CCDC57: variants seen among roughly 807,000 people sequenced by gnomAD.
The protein encoded by CCDC57 is coiled-coil domain-containing protein 57.
In CCDC57, 118 loss-of-function variants were observed where a neutral mutation model predicts 118.9. The ratio of observed to expected loss-of-function variants is 0.99; its 90% CI spans 0.86 to 1.16. The LOEUF (loss-of-function observed/expected upper bound fraction) is 1.16. CCDC57 is among the 50% of genes most tolerant of loss of function. CCDC57 has a pLI of 0.00. For missense variants in CCDC57, 1,300 were observed against 1,320.7 expected, an observed-to-expected ratio of 0.98 and a Z score of 0.24; for synonymous variants, 527 against 532.9, an observed-to-expected ratio of 0.99 and a Z score of 0.15.
intron 14 of CCDC57, 45 bp downstream of exon 13, chr17:82,163,155 C>T: frequency 6.3e-7 from 1 of 1,597,118 alleles, no homozygotes; most frequent in Non-Finnish European, 8.6e-7. Flanking sequence ...TCTCCCCCAG[C>T]AGCGGCTCTC....
chr17:82,124,809 A>AG (rs2037195808), intron 19 of CCDC57, among the ~76,000 whole-genome samples: 1 of 152,112 alleles, frequency 6.6e-6, no homozygotes, highest in Admixed American at 6.6e-5. Context: ...AAAGAGAAAA[A>AG]GAAAAAAAAA....
chr17:82,187,839 G>A (rs1192093921), intron 8 of CCDC57, among the ~76,000 whole-genome samples: 2 of 148,034 alleles, frequency 1.4e-5, no homozygotes, highest in Non-Finnish European at 3.0e-5. Context: ...CGGGGGTGGG[G>A]GAGGCGTTGG....
chr17:82,105,698 T>C (rs1321956929), intron 19 of CCDC57, among the ~76,000 whole-genome samples: 2 of 151,758 alleles, frequency 1.3e-5, no homozygotes, highest in Non-Finnish European at 2.9e-5. Flanking sequence ...AGGAGAGCAA[T>C]GGGGTACAGG....
Position 82,125,849 on chromosome 17 carries a change from G to C in CCDC57, c.2899+1843C>G, listed in dbSNP as rs1041871817. On this transcript the variant is annotated intron_variant, in intron 19 of 19. Transcript: ENST00000665763. ...ATGGAACTGCCTGTGAACAGACTGA[G>C]AGTGGCCGAACGAACCGTCCGGATA... Among the ~76,000 whole-genome samples the C allele has an allele frequency of 2.0e-5, 3 of 152,216 alleles. No homozygotes were observed. In the East Asian group the frequency reaches 5.8e-4, roughly 29 times the overall value.
intron 14 of CCDC57, among the ~76,000 whole-genome samples, chr17:82,160,873 CAAAAAAAAAAAAAA>C (rs55750984): frequency 1.6e-5 from 1 of 60,870 alleles, no homozygotes; most frequent in Non-Finnish European, 2.9e-5. Flanking sequence ...GACTCTGTCT[CAAAAAAAAAAAAAA>C]AAAAAAAAAA....
Position 82,132,759 on chromosome 17 carries a change from C to CTTTTTTTTTTTTTTTTTTTTTTTTTT in CCDC57, c.2577+1313_2577+1314insAAAAAAAAAAAAAAAAAAAAAAAAAA, listed in dbSNP as rs71166188. ...TTATCTTTCTGTAGAGACAACCTTG[C>CTTTTTTTTTTTTTTTTTTTTTTTTTT]TTTTTTTTTTTTTTTTTTGAGACGG... On this transcript the variant is annotated intron_variant, in intron 17 of 19. Transcript: ENST00000665763. Among the ~76,000 whole-genome samples, 4 of 123,948 alleles carry CTTTTTTTTTTTTTTTTTTTTTTTTTT rather than the reference C, an allele frequency of 3.2e-5. 2 individuals carry two copies. Among genetic ancestry groups the CTTTTTTTTTTTTTTTTTTTTTTTTTT allele is most frequent in the African/African-American group, 6.1e-5 (2 of 32,832 alleles). 81.3% of individuals were successfully genotyped at this position (123,948 alleles called of 152,430 possible).
intron 18 of CCDC57, among the ~76,000 whole-genome samples, chr17:82,128,236 C>T (rs2037764396): frequency 2.0e-5 from 3 of 152,186 alleles, no homozygotes; most frequent in Non-Finnish European, 4.4e-5. Context: ...CCCTGAGGGG[C>T]ACAGAAAGGA....
intron 1 of CCDC57, among the ~76,000 whole-genome samples, chr17:82,210,656 G>C (rs1319927229): frequency 6.7e-6 from 1 of 150,208 alleles, no homozygotes; most frequent in African/African-American, 2.5e-5. Flanking sequence ...CTCCAGCTTG[G>C]GCGAGAGAGA....
rs146600972 is a variant in CCDC57, at chr17:82,159,819, G to A, written c.2041-1871C>T. Among the ~76,000 whole-genome samples the A allele has an allele frequency of 4.4e-3, 671 of 151,912 alleles. 1 individual carries two copies. The highest frequency in any genetic ancestry group is 7.6e-3 in the Non-Finnish European group (516 of 67,958). ...CCCGAGTAGCTGGGATTACAGGCAC[G>A]CACCACCACACCCGGCTCATCTTTT... On this transcript the variant is annotated intron_variant, in intron 14 of 19. Transcript: ENST00000665763.
At chr17:82,200,405 C>T (rs534305445) in intron 3 of CCDC57, among the ~76,000 whole-genome samples, 10 of 152,204 alleles carry the variant, frequency 6.6e-5, no homozygotes, top group Non-Finnish European at 1.5e-4. Context: ...GCTTTCACTT[C>T]GCCATTCCAC....
chr17:82,141,743 C>T (rs2040035328), intron 16 of CCDC57, among the ~76,000 whole-genome samples: 1 of 152,146 alleles, frequency 6.6e-6, no homozygotes. Context: ...CTTGTTACAA[C>T]ATCCGACATC....
chr17:82,195,859 GAAC>G (rs143889316), intron 4 of CCDC57, among the ~76,000 whole-genome samples: 2,493 of 152,254 alleles, frequency 0.016, 69 homozygotes, highest in African/African-American at 0.057. Flanking sequence ...GGACTACCCA[GAAC>G]CACACCGGAT....
Position 82,172,894 on chromosome 17 carries a change from A to T in CCDC57, c.1507-34T>A, listed in dbSNP as rs768130333. The T allele has an allele frequency of 3.2e-6, 5 of 1,569,716 alleles. No homozygotes were observed. The South Asian group carries it at 3.4e-5, about 11-fold the overall frequency. On this transcript the variant is annotated intron_variant, in intron 11 of 19. Coordinates refer to ENST00000665763, the Ensembl canonical transcript of CCDC57. This position sits in a 1 kb window ranked among gnomAD's most constrained non-coding sequence, Gnocchi z 5.2. Reference sequence around the variant, plus strand: ...TACAAGGAAAAATGGCTACAAAAAGATGAATGGTTCCCCAGCTTGTCCTGA... The same window carrying T: ...TACAAGGAAAAATGGCTACAAAAAGTTGAATGGTTCCCCAGCTTGTCCTGA...
chr17:82,184,031 G>GCGCGCGCGCGCGCACACA, intron 8 of CCDC57, 99 bp from the exon 8 acceptor site: 23 of 131,856 alleles, frequency 1.7e-4, no homozygotes, highest in Non-Finnish European at 2.7e-4. Context: ...GCGCGCGCGC[G>GCGCGCGCGCGCGCACACA]CACACACACA....
intron 15 of CCDC57, among the ~76,000 whole-genome samples, chr17:82,152,829 T>C (rs938348218): frequency 1.3e-5 from 2 of 152,240 alleles, no homozygotes; most frequent in African/African-American, 4.8e-5. Context: ...GTTCTTTGGA[T>C]GGCCTGGGGT....
At chr17:82,147,606 T>C (rs1311017545) in intron 16 of CCDC57, among the ~76,000 whole-genome samples, 1 of 129,010 alleles carries the variant, frequency 7.8e-6, no homozygotes, top group Non-Finnish European at 1.6e-5. Context: ...GGTGGATGGA[T>C]AGATGGATGG....
chr17:82,107,219 C>G (rs2034917099), intron 19 of CCDC57, among the ~76,000 whole-genome samples: 1 of 152,244 alleles, frequency 6.6e-6, no homozygotes, highest in Non-Finnish European at 1.5e-5. Context: ...CCTGGAGTTG[C>G]TCTCCAGAGA....
At chr17:82,115,792 C>CTTTT (rs35213711) in intron 19 of CCDC57, among the ~76,000 whole-genome samples, 9 of 65,680 alleles carry the variant, frequency 1.4e-4, no homozygotes, top group Non-Finnish European at 2.0e-4. Context: ...TTTATGCAAC[C>CTTTT]TTTTTTTTTT....
At chr17:82,193,619 T>A in intron 7 of CCDC57, 137 bp downstream of exon 6, 4 of 653,700 alleles carry the variant, frequency 6.1e-6, no homozygotes, top group East Asian at 5.7e-5. Context: ...GAGAAAGAAA[T>A]CCAAAACAGC....
Sources: gnomAD v4.1 joint callset for allele counts (sites outside exome capture counted in the v4.1 genomes callset) on GRCh38, gnomAD v4.1.1 for gene constraint, Gnocchi (gnomAD v3.1) non-coding constraint, MANE v1.5 for transcripts, NCBI Gene and HGNC (gene_info 2026-07-23, HGNC 2026-07-21) for gene names.